The following MSL3 variants were observed in gnomAD, a reference collection of about 807,000 sequenced individuals.
The protein encoded by MSL3 is MSL3-like 1.
A neutral mutation model predicts 37.2 loss-of-function variants in MSL3; 5 were observed. The observed-to-expected ratio is 0.13, with a 90% CI of 0.07 to 0.28. MSL3 has a LOEUF of 0.28. Ranked by LOEUF, MSL3 falls within the 10% of genes least tolerant of loss-of-function variation. MSL3 has a pLI of 1.00. For missense variants in MSL3, 315 were observed against 408.5 expected (o/e 0.77, Z 1.97); for synonymous variants, 149 against 147.6 (o/e 1.01, Z -0.07).
intron 9 of MSL3, 88 bp from the exon 10 acceptor site, chrX:11,768,485 T>A (rs2053204999): frequency 8.4e-6 from 5 of 598,599 alleles, no homozygotes; most frequent in Non-Finnish European, 1.4e-5. Context: ...AGAACCAAGT[T>A]TAGATTTATG....
rs914444855 is a variant in MSL3, at chrX:11,765,477, G to A, written c.919G>A (p.Glu307Lys). The change falls in exon 9 of 13, where the codon GAA (glutamate) becomes AAA (lysine). Residue 307 changes from glutamate (E) to lysine (K), a missense_variant. Physicochemically the swap from Glu to Lys is moderately conservative, Grantham distance 56 (BLOSUM62 1). Transcript: ENST00000312196. Reference protein sequence around the residue: ...SATSTNRSQEELSPSPPLLNP... With the variant: ...SATSTNRSQEKLSPSPPLLNP... ...CTCCATCTTCCCTAGGAGCCAGGAG[G>A]AACTCTCTCCCAGTCCGCCTTTGTT... The A allele has an allele frequency of 2.5e-6, 3 of 1,188,438 alleles. No individual in the cohort carries two copies. Among genetic ancestry groups the A allele is most frequent in the East Asian group, 6.0e-5 (2 of 33,534 alleles).
chrX:11,768,072 A>ACATT lies in MSL3; in HGVS notation c.1172-499_1172-498insTTCA, dbSNP rs1222720609. On this transcript the variant is annotated intron_variant, in intron 9 of 12. Coordinates refer to ENST00000312196, the MANE Select transcript of MSL3 (RefSeq NM_078629.4). ...AAAGTGAATAATTCAGTGGCACTTA[A>ACATT]CAGCTTCATTGACACATCCACATAT... 1.3e-5 allele frequency: 5 copies of ACATT among 388,569 alleles called. No homozygotes were observed. The African/African-American group carries it at 1.4e-4, about 11-fold the overall frequency. The allele number at this position is 388,569 out of a possible 1,213,427, so 32.0% of individuals were successfully genotyped here. A position where few individuals can be genotyped will look rare whatever the true frequency, so the allele number is the denominator to read the frequency against.
At position 11,763,832 on chromosome X, in the gene MSL3, A is replaced by G; in HGVS notation, c.802A>G (p.Thr268Ala). Residue 268 changes from threonine (T) to alanine (A), a missense_variant, in exon 8 of 13, where the codon ACT (threonine) becomes GCT (alanine). By Grantham distance (58) the Thr-to-Ala change is moderately conservative. Transcript: ENST00000312196. ...TGGATTAAGAATAACCTTTGATTAC[A>G]CTCTCCCGTTGGTTTTACTCTATCC... ...VDGLRITFDY[T>A]LPLVLLYPYE... 1 of 1,204,843 alleles carries G rather than the reference A, an allele frequency of 8.3e-7. No individual in the cohort carries two copies. Among genetic ancestry groups the G allele is most frequent in the Non-Finnish European group, 1.1e-6 (1 of 890,255 alleles).
intron 5 of MSL3, 28 bp downstream of exon 5, chrX:11,761,610 C>T: frequency 1.0e-6 from 1 of 972,161 alleles, no homozygotes; most frequent in Admixed American, 2.5e-5. Flanking sequence ...TAAAAACTTT[C>T]TCTTTGTTAT....
chrX:11,767,295 T>A, intron 9 of MSL3: 2 of 743,102 alleles, frequency 2.7e-6, no homozygotes, highest in Middle Eastern at 7.8e-4. Flanking sequence ...AGGTGCTTTT[T>A]TAAAACAGCT....
At chrX:11,763,057 T>C (rs757103948) in intron 7 of MSL3, 60 bp downstream of exon 7, 1 of 962,664 alleles carries the variant, frequency 1.0e-6, no homozygotes, top group African/African-American at 2.0e-5. Flanking sequence ...GTGGCTTCCA[T>C]TTAGAACAGG....
intron 9 of MSL3, chrX:11,766,786 T>A (rs2053187884): frequency 2.6e-6 from 2 of 754,835 alleles, no homozygotes; most frequent in Non-Finnish European, 3.1e-6. Context: ...GATGGAAGCC[T>A]GGTGGCCTTC....
Position 11,775,425 on chromosome X carries a change from TAAAC to T in MSL3, c.*350_*353del. On this transcript the variant is annotated 3_prime_UTR_variant, in exon 13 of 13. Coordinates refer to ENST00000312196, the MANE Select transcript of MSL3 (RefSeq NM_078629.4). ...ACATTGTCTCTTTATTTGTTAGCAT[TAAAC>T]AAATTTTTTTTTGCAAATTGGTTTT... 1 of 147,206 alleles carries T rather than the reference TAAAC, an allele frequency of 6.8e-6. No individual in the cohort carries two copies. Among genetic ancestry groups the T allele is most frequent in the African/African-American group, 3.0e-5 (1 of 32,850 alleles). 12.1% of individuals were successfully genotyped at this position (147,206 alleles called of 1,213,427 possible). A position where few individuals can be genotyped will look rare whatever the true frequency, so the allele number is the denominator to read the frequency against.
intron 10 of MSL3, among the ~76,000 whole-genome samples, chrX:11,769,307 C>G (rs1324966915): frequency 8.9e-6 from 1 of 112,389 alleles, no homozygotes; most frequent in Non-Finnish European, 1.9e-5. Context: ...ATAGCCGTCC[C>G]TTCAGGGATG....
At position 11,768,825 on chromosome X, in the gene MSL3, A is replaced by G. The variant is rs1161817935; in HGVS notation, c.1281+143A>G. 13 of 441,235 alleles carry G rather than the reference A, an allele frequency of 2.9e-5. No homozygotes were observed. In the South Asian group the frequency reaches 4.1e-4, roughly 14 times the overall value. 36.4% of individuals were successfully genotyped at this position (441,235 alleles called of 1,213,427 possible). ...CAAAATTGTACGTAATTTTATGCTT[A>G]ACACTGTGGGTTTTGGTTTCTAAAG... is the stretch of plus-strand genomic sequence containing the variant. On this transcript the variant is annotated intron_variant, in intron 10 of 12. Coordinates refer to ENST00000312196, the MANE Select transcript of MSL3 (RefSeq NM_078629.4).
chrX:11,765,920 C>G (rs1418344295), intron 9 of MSL3, 191 bp downstream of exon 9: 1 of 1,087,083 alleles, frequency 9.2e-7, no homozygotes, highest in African/African-American at 1.8e-5. Context: ...GATTGCAGCG[C>G]AGCTGTGTTG....
intron 1 of MSL3, chrX:11,758,750 G>A: frequency 8.6e-7 from 1 of 1,166,784 alleles, no homozygotes; most frequent in Non-Finnish European, 1.1e-6. Flanking sequence ...GGCTCCTGTG[G>A]GACGCCCTGG....
chrX:11,774,872 C>T, intron 12 of MSL3, 108 bp from the exon 13 acceptor site: 2 of 543,405 alleles, frequency 3.7e-6, no homozygotes, highest in Admixed American at 3.2e-5. Flanking sequence ...TTTTTTTCTT[C>T]CTAATACCAA....
At chrX:11,766,683 G>A in intron 9 of MSL3, 1 of 754,549 alleles carries the variant, frequency 1.3e-6, no homozygotes, top group Non-Finnish European at 1.6e-6. Flanking sequence ...GAAGTCAGCA[G>A]CAGGGGAGGC....
At chrX:11,759,357 G>T (rs888564878) in intron 1 of MSL3, among the ~76,000 whole-genome samples, 1 of 111,822 alleles carries the variant, frequency 8.9e-6, no homozygotes, top group Non-Finnish European at 1.9e-5. Context: ...CGGAGGGGGG[G>T]GGGCACGCCC....
At chrX:11,766,676 G>T (rs760588710) in intron 9 of MSL3, 3 of 754,639 alleles carry the variant, frequency 4.0e-6, no homozygotes, top group Non-Finnish European at 4.7e-6. Flanking sequence ...GAGTTAGGAA[G>T]TCAGCAGCAG....
At chrX:11,769,649 G>A (rs1380277896) in intron 10 of MSL3, among the ~76,000 whole-genome samples, 1 of 111,825 alleles carries the variant, frequency 8.9e-6, no homozygotes, top group Non-Finnish European at 1.9e-5. Context: ...TGTCACCCAG[G>A]CTGCAGTGCA....
intron 7 of MSL3, 113 bp from the exon 8 acceptor site, chrX:11,763,667 G>A (rs2053153225): frequency 1.8e-6 from 1 of 543,816 alleles, no homozygotes; most frequent in African/African-American, 2.3e-5. Context: ...TGTAGGTGTA[G>A]TATATAATGA....
intron 1 of MSL3, 109 bp downstream of exon 1, chrX:11,758,474 G>C: frequency 5.2e-6 from 5 of 957,383 alleles, no homozygotes; most frequent in Non-Finnish European, 5.3e-6. Flanking sequence ...CGGGCTCCTC[G>C]GCCTGCGAGG....
Sources: gnomAD v4.1 joint callset for allele counts (sites outside exome capture counted in the v4.1 genomes callset) on GRCh38, gnomAD v4.1.1 for gene constraint, MANE v1.5 for transcripts, NCBI Gene and HGNC (gene_info 2026-07-23, HGNC 2026-07-21) for gene names.